FNTB: variants seen among roughly 807,000 people sequenced by gnomAD.
The protein encoded by FNTB is farnesyltransferase, CAAX box, subunit beta, also known as protein farnesyltransferase subunit beta.
FNTB carries 27 observed loss-of-function variants against 59.4 expected under a neutral mutation model. The observed-to-expected ratio is 0.45, with a 90% CI of 0.34 to 0.63. The LOEUF (loss-of-function observed/expected upper bound fraction) is 0.63, where lower values mean the gene tolerates loss of function less well. FNTB is among the 20% of genes least tolerant of loss of function. FNTB has a pLI of 0.02. For synonymous variants in FNTB, 230 were observed against 220.7 expected, an observed-to-expected ratio of 1.04 and a Z score of -0.37; for missense variants, 449 against 559.6, an observed-to-expected ratio of 0.80 and a Z score of 1.99.
chr14:65,021,164 A>G (rs2061879530), intron 4 of FNTB, among the ~76,000 whole-genome samples: 2 of 152,234 alleles, frequency 1.3e-5, no homozygotes, highest in Non-Finnish European at 2.9e-5. Flanking sequence ...TCCTCTAATG[A>G]GAATCCCATT....
At chr14:65,006,317 A>G (rs760492032) in intron 2 of FNTB, 1 of 1,608,766 alleles carries the variant, frequency 6.2e-7, no homozygotes, top group South Asian at 1.1e-5. Flanking sequence ...ATATCAGCTT[A>G]CTAGTATAGT....
intron 1 of FNTB, 23 bp downstream of exon 1, chr14:64,987,120 G>A (rs575336097): frequency 9.9e-6 from 16 of 1,613,668 alleles, no homozygotes; most frequent in Middle Eastern, 1.7e-4. Context: ...GACTGGGCGA[G>A]GCGCCCGCGC....
At position 65,058,808 on chromosome 14, in the gene FNTB, AGT is replaced by A. The variant is rs2062799670; in HGVS notation, c.1183-2368_1183-2367del. Among the ~76,000 whole-genome samples the A allele has an allele frequency of 2.0e-5, 3 of 152,126 alleles. No individual in the cohort carries two copies. The South Asian group carries it at 6.2e-4, about 32-fold the overall frequency. On this transcript the variant is annotated intron_variant, in intron 11 of 11. Coordinates refer to ENST00000246166, the MANE Select transcript of FNTB (RefSeq NM_002028.4). ...AGCCCTTCTTGGTCATAGTAGAGGC[AGT>A]GTGTCTGTGTCTGTGTGTTTTGTTC...
chr14:64,996,766 C>CTTTTTTTTTTTTTTTTTTTTTTT (rs34327825), intron 1 of FNTB, among the ~76,000 whole-genome samples: 3 of 94,442 alleles, frequency 3.2e-5, no homozygotes, highest in Admixed American at 1.1e-4. Context: ...TTGCTAACAT[C>CTTTTTTTTTTTTTTTTTTTTTTT]TTTTTTTTTT....
rs1042660264 is a variant in FNTB at position 65,029,197 on chromosome 14, A to G, written c.605+1416A>G. On this transcript the variant is annotated intron_variant, in intron 6 of 11. Transcript: ENST00000246166. This position sits in a 1 kb window ranked among gnomAD's most constrained non-coding sequence, Gnocchi z 4.7. ...TTTACATAAAGGATTAAAGATATGA[A>G]TGATAGAGAAAAGCTAGCAGATTGC... Among the ~76,000 whole-genome samples, 1 of 152,196 alleles carries G rather than the reference A, an allele frequency of 6.6e-6. No individual in the cohort carries two copies. Among genetic ancestry groups the G allele is most frequent in the African/African-American group, 2.4e-5 (1 of 41,432 alleles).
At chr14:65,041,318 G>C (rs1047319256) in intron 8 of FNTB, among the ~76,000 whole-genome samples, 1 of 152,186 alleles carries the variant, frequency 6.6e-6, no homozygotes, top group African/African-American at 2.4e-5. Flanking sequence ...TAAACATTTA[G>C]TACCTACATT....
chr14:65,043,502 C>T (rs983222518), intron 8 of FNTB, among the ~76,000 whole-genome samples: 2 of 152,166 alleles, frequency 1.3e-5, no homozygotes, highest in African/African-American at 4.8e-5. Context: ...AAGTAAAAGT[C>T]AGGAGCAGTT....
intron 7 of FNTB, among the ~76,000 whole-genome samples, chr14:65,040,214 C>T (rs2062313343): frequency 6.7e-6 from 1 of 149,994 alleles, no homozygotes; most frequent in Admixed American, 6.7e-5. Context: ...TCAACAATCA[C>T]TCTTTAATTT....
At chr14:65,055,882 T>G (rs1018366146) in intron 11 of FNTB, among the ~76,000 whole-genome samples, 2 of 152,198 alleles carry the variant, frequency 1.3e-5, no homozygotes, top group African/African-American at 4.8e-5. Flanking sequence ...CAATAGATAG[T>G]TGAAAAGATG....
At chr14:64,988,022 C>A (rs1286306758) in intron 1 of FNTB, among the ~76,000 whole-genome samples, 5 of 152,134 alleles carry the variant, frequency 3.3e-5, no homozygotes, top group African/African-American at 1.2e-4. Context: ...CCAGGCTTTA[C>A]CTTGGAGAGA....
chr14:65,042,199 C>T (rs546059653), intron 8 of FNTB, among the ~76,000 whole-genome samples: 16 of 151,222 alleles, frequency 1.1e-4, no homozygotes, highest in East Asian at 3.9e-4. Context: ...GGGGGTGGGA[C>T]GGGGGGTGAT....
chr14:65,041,341 T>G (rs2062348228), intron 8 of FNTB, among the ~76,000 whole-genome samples: 1 of 152,208 alleles, frequency 6.6e-6, no homozygotes, highest in African/African-American at 2.4e-5. Flanking sequence ...AATGAGTTGT[T>G]TAGGCAGAGC....
rs149430837 is a variant in FNTB, at chr14:65,021,113, T to C, written c.374+5397T>C. On this transcript the variant is annotated intron_variant, in intron 4 of 11. Coordinates refer to ENST00000246166, the MANE Select transcript of FNTB (RefSeq NM_002028.4). ...ATTAATATTTTGGAACTAGACTAAG[T>C]ACATTTGCTTTGCTTAATGGTTTTG... Among the ~76,000 whole-genome samples the C allele has an allele frequency of 3.2e-3, 488 of 152,344 alleles. 2 individuals carry two copies. The highest frequency in any genetic ancestry group is 0.011 in the African/African-American group (457 of 41,582).
Position 65,012,526 on chromosome 14 carries a change from T to A in FNTB, c.282+137T>A. 1 of 1,210,124 alleles carries A rather than the reference T, an allele frequency of 8.3e-7. No homozygotes were observed. Among genetic ancestry groups the A allele is most frequent in the South Asian group, 1.4e-5 (1 of 70,340 alleles). 75.0% of individuals were successfully genotyped at this position (1,210,124 alleles called of 1,614,324 possible). A position where few individuals can be genotyped will look rare whatever the true frequency, so the allele number is the denominator to read the frequency against. ...TGTTCTCTGTGGCTCTGGCAGGAGGTAGGGTGCTGTCACAGAGCTGGGACT... is the reference window on the plus strand; with the variant it reads ...TGTTCTCTGTGGCTCTGGCAGGAGGAAGGGTGCTGTCACAGAGCTGGGACT... On this transcript the variant is annotated intron_variant, in intron 3 of 11. Coordinates refer to ENST00000246166, the MANE Select transcript of FNTB (RefSeq NM_002028.4). The surrounding 1 kb of genome is among the most constrained non-coding windows in gnomAD (Gnocchi z 5.0).
Position 65,015,645 on chromosome 14 carries a change from A to T in FNTB, c.303A>T (p.Pro101=). The change falls in exon 4 of 12, where the codon CCA becomes CCT. Residue 101 remains proline (P), a synonymous_variant. Coordinates refer to ENST00000246166, the MANE Select transcript of FNTB (RefSeq NM_002028.4). ...DAYECLDASR[P]WLCYWILHSL... The stretch of plus-strand genomic sequence containing the variant: ...CCCAGTGTCTGGATGCCAGCCGCCC[A>T]TGGCTCTGCTATTGGATCCTGCACA... 6.2e-7 allele frequency: 1 copy of T among 1,613,996 alleles called. No homozygotes were observed. Among genetic ancestry groups the T allele is most frequent in the Non-Finnish European group, 8.5e-7 (1 of 1,179,988 alleles).
At chr14:65,046,361 C>T (rs911549183) in intron 9 of FNTB, among the ~76,000 whole-genome samples, 1 of 152,220 alleles carries the variant, frequency 6.6e-6, no homozygotes, top group South Asian at 2.1e-4. Flanking sequence ...GTAAAATGGT[C>T]AGTCTTTTAC....
intron 9 of FNTB, among the ~76,000 whole-genome samples, chr14:65,051,829 G>C (rs1049864575): frequency 4.9e-5 from 7 of 143,748 alleles, no homozygotes; most frequent in Non-Finnish European, 9.0e-5. Context: ...GAGTCTCGCT[G>C]TGTCGCCCAG....
chr14:65,016,930 T>TTTTTG (rs1419722616), intron 4 of FNTB, among the ~76,000 whole-genome samples: 1 of 149,358 alleles, frequency 6.7e-6, no homozygotes, highest in Admixed American at 6.7e-5. Flanking sequence ...GTTTTTTTTT[T>TTTTTG]TTTTTTTTTT....
intron 2 of FNTB, among the ~76,000 whole-genome samples, chr14:65,005,511 T>TTCTC (rs1203588955): frequency 2.0e-3 from 132 of 64,432 alleles, no homozygotes; most frequent in East Asian, 0.012. Flanking sequence ...CTTTCTTTCT[T>TTCTC]TCTCTCTCTC....
Sources: gnomAD v4.1 joint callset for allele counts (sites outside exome capture counted in the v4.1 genomes callset) on GRCh38, gnomAD v4.1.1 for gene constraint, Gnocchi (gnomAD v3.1) non-coding constraint, MANE v1.5 for transcripts, NCBI Gene and HGNC (gene_info 2026-07-23, HGNC 2026-07-21) for gene names.